The following TARS3 variants were observed in gnomAD, a reference collection of about 807,000 sequenced individuals.
TARS3 encodes the protein threonine--tRNA ligase 2, cytoplasmic.
A neutral mutation model predicts 103.5 loss-of-function variants in TARS3; 94 were observed. The observed-to-expected ratio is 0.91, with a 90% CI of 0.77 to 1.08. TARS3 has a LOEUF of 1.08. Ranked by LOEUF, TARS3 falls within the 50% of genes least tolerant of loss-of-function variation. TARS3 has a pLI of 0.00. For synonymous variants in TARS3, 416 were observed against 355.4 expected, an observed-to-expected ratio of 1.17 and a Z score of -1.92; for missense variants, 952 against 995.2, an observed-to-expected ratio of 0.96 and a Z score of 0.58.
chr15:101,658,982 G>C (rs1488141683), intron 16 of TARS3, among the ~76,000 whole-genome samples: 3 of 152,066 alleles, frequency 2.0e-5, no homozygotes, highest in Non-Finnish European at 2.9e-5. Flanking sequence ...AGTAGAGACG[G>C]GGTTTCACCA....
At chr15:101,720,506 C>T (rs530108959) in intron 3 of TARS3, among the ~76,000 whole-genome samples, 2 of 152,160 alleles carry the variant, frequency 1.3e-5, no homozygotes, top group Non-Finnish European at 2.9e-5. Flanking sequence ...TGTAAAATGG[C>T]CTATCAAGAA....
At position 101,671,680 on chromosome 15, in the gene TARS3, A is replaced by G; in HGVS notation, c.1857T>C (p.Tyr619=). 1.2e-6 allele frequency: 2 copies of G among 1,614,136 alleles called. No homozygotes were observed. Among genetic ancestry groups the G allele is most frequent in the Non-Finnish European group, 1.7e-6 (2 of 1,180,012 alleles). Residue 619 remains tyrosine (Y), a synonymous_variant, in exon 14 of 19, where the codon TAT becomes TAC. Transcript: ENST00000335968. ...WKMNPGDGAF[Y]GPKIDIKIKD... is the part of the protein sequence containing the mutation. ...CATGTGGTCGACTCACTTTAGGGCC[A>G]TAAAATGCTCCATCTCCTGGGTTCA... is the stretch of plus-strand genomic sequence containing the variant.
chr15:101,672,146 C>G (rs1396209333), intron 13 of TARS3, among the ~76,000 whole-genome samples: 1 of 152,102 alleles, frequency 6.6e-6, no homozygotes, highest in Non-Finnish European at 1.5e-5. Flanking sequence ...CCCTCTTCCA[C>G]TCTGAGTCTG....
intron 10 of TARS3, among the ~76,000 whole-genome samples, chr15:101,699,734 C>A (rs1899163838): frequency 6.6e-6 from 1 of 152,188 alleles, no homozygotes; most frequent in South Asian, 2.1e-4. Context: ...ACAGACATGT[C>A]AGCCTCCAGG....
intron 10 of TARS3, 62 bp from the exon 11 acceptor site, chr15:101,686,124 T>G (rs763547720): frequency 2.1e-6 from 3 of 1,416,324 alleles, no homozygotes; most frequent in Non-Finnish European, 2.9e-6. Context: ...CCATGCAAAG[T>G]AACACTATGA....
intron 10 of TARS3, among the ~76,000 whole-genome samples, chr15:101,689,161 C>G (rs555525040): frequency 1.6e-3 from 246 of 152,226 alleles, no homozygotes; most frequent in African/African-American, 5.6e-3. Flanking sequence ...TGGGGAAAGA[C>G]TTACTACCCT....
chr15:101,685,864 A>T (rs1469974806), intron 11 of TARS3, 32 bp downstream of exon 11: 2 of 1,579,198 alleles, frequency 1.3e-6, no homozygotes, highest in East Asian at 2.3e-5. Flanking sequence ...ATGTGCTCTC[A>T]TGAAAAGGTC....
intron 13 of TARS3, among the ~76,000 whole-genome samples, chr15:101,672,565 T>C (rs1897852487): frequency 6.6e-6 from 1 of 151,478 alleles, no homozygotes; most frequent in Admixed American, 6.6e-5. Flanking sequence ...CGTGGCAGAG[T>C]CTTAGGGCCG....
chr15:101,707,660 C>T (rs761125682), intron 6 of TARS3, among the ~76,000 whole-genome samples: 2 of 150,572 alleles, frequency 1.3e-5, no homozygotes, highest in African/African-American at 2.4e-5. Flanking sequence ...AATTCAGAGA[C>T]GGAGAGTAGA....
intron 8 of TARS3, among the ~76,000 whole-genome samples, chr15:101,703,161 T>C (rs570850810): frequency 5.3e-5 from 8 of 152,312 alleles, no homozygotes; most frequent in African/African-American, 1.9e-4. Context: ...CGATGTTTTC[T>C]CCATTACAAC....
intron 12 of TARS3, among the ~76,000 whole-genome samples, chr15:101,677,914 G>A (rs2141398873): frequency 6.6e-6 from 1 of 152,020 alleles, no homozygotes; most frequent in East Asian, 1.9e-4. Context: ...CTACAGGTGT[G>A]TGCTACCATG....
intron 3 of TARS3, among the ~76,000 whole-genome samples, chr15:101,718,891 T>A (rs1900305065): frequency 6.6e-6 from 1 of 152,178 alleles, no homozygotes; most frequent in African/African-American, 2.4e-5. Context: ...CTCACAAATA[T>A]CTGTGACTAT....
intron 16 of TARS3, 80 bp from the exon 17 acceptor site, chr15:101,657,937 T>C: frequency 1.1e-6 from 1 of 934,672 alleles, no homozygotes; most frequent in Non-Finnish European, 1.6e-6. Flanking sequence ...AACCAAAGAT[T>C]CTTTTAAAGA....
At chr15:101,711,355 C>A (rs1413894815) in intron 5 of TARS3, among the ~76,000 whole-genome samples, 1 of 152,112 alleles carries the variant, frequency 6.6e-6, no homozygotes, top group African/African-American at 2.4e-5. Flanking sequence ...ATTGGTCAAC[C>A]AATCTATAAT....
intron 13 of TARS3, among the ~76,000 whole-genome samples, chr15:101,673,132 A>G (rs1596293614): frequency 6.6e-6 from 1 of 152,218 alleles, no homozygotes; most frequent in Non-Finnish European, 1.5e-5. Context: ...AGTGATTTCC[A>G]GGCCAGGGTT....
At chr15:101,659,819 A>T (rs1489704798) in intron 16 of TARS3, among the ~76,000 whole-genome samples, 2 of 152,340 alleles carry the variant, frequency 1.3e-5, no homozygotes, top group Non-Finnish European at 2.9e-5. Flanking sequence ...ACTCCATGAT[A>T]CCTAAGTATA....
intron 9 of TARS3, among the ~76,000 whole-genome samples, chr15:101,701,537 T>C (rs1899277551): frequency 6.6e-6 from 1 of 152,208 alleles, no homozygotes; most frequent in Non-Finnish European, 1.5e-5. Context: ...TGCTGCCTAC[T>C]GAGAGCCTAT....
intron 12 of TARS3, among the ~76,000 whole-genome samples, chr15:101,678,654 A>G (rs968519131): frequency 1.8e-4 from 28 of 152,338 alleles, no homozygotes; most frequent in Admixed American, 3.3e-4. Context: ...TTCTACATAC[A>G]TTTAGAACAT....
At chr15:101,678,891 T>C (rs1231392757) in intron 12 of TARS3, among the ~76,000 whole-genome samples, 1 of 152,226 alleles carries the variant, frequency 6.6e-6, no homozygotes, top group Non-Finnish European at 1.5e-5. Context: ...GAAGGGTATT[T>C]TCTTTAGACA....
Sources: gnomAD v4.1 joint callset for allele counts (sites outside exome capture counted in the v4.1 genomes callset) on GRCh38, gnomAD v4.1.1 for gene constraint, MANE v1.5 for transcripts, NCBI Gene and HGNC (gene_info 2026-07-23, HGNC 2026-07-21) for gene names.